The following SLC22A9 variants were observed in gnomAD, a reference collection of about 807,000 sequenced individuals.
The protein encoded by SLC22A9 is solute carrier family 22 member 9.
SLC22A9 carries 64 observed loss-of-function variants against 50.1 expected under a neutral mutation model. That is an observed-to-expected ratio of 1.28 (90% CI 1.04 to 1.57). SLC22A9 has a LOEUF of 1.57. Ranked by LOEUF, SLC22A9 falls within the 40% of genes most tolerant of loss-of-function variation. SLC22A9 has a pLI of 0.00. For synonymous variants in SLC22A9, 261 were observed against 242.5 expected, an observed-to-expected ratio of 1.08 and a Z score of -0.71; for missense variants, 757 against 676.1, an observed-to-expected ratio of 1.12 and a Z score of -1.33.
chr11:63,386,209 A>G (rs1461134660), intron 6 of SLC22A9, among the ~76,000 whole-genome samples: 1 of 152,012 alleles, frequency 6.6e-6, no homozygotes, highest in East Asian at 1.9e-4. Flanking sequence ...TTTGTTGAGT[A>G]TTTTTGCACC....
chr11:63,406,195 G>A (rs1324352864), intron 6 of SLC22A9, among the ~76,000 whole-genome samples: 2 of 152,046 alleles, frequency 1.3e-5, no homozygotes, highest in Admixed American at 6.6e-5. Context: ...AGATACCTTT[G>A]AAAAGTCTTC....
At chr11:63,372,928 G>A (rs537915851) in intron 2 of SLC22A9, among the ~76,000 whole-genome samples, 1 of 152,112 alleles carries the variant, frequency 6.6e-6, no homozygotes, top group African/African-American at 2.4e-5. Context: ...AGGTGGAATA[G>A]TTCAAATCAC....
At chr11:63,387,878 A>G (rs2014696473) in intron 6 of SLC22A9, among the ~76,000 whole-genome samples, 1 of 151,996 alleles carries the variant, frequency 6.6e-6, no homozygotes, top group Non-Finnish European at 1.5e-5. Flanking sequence ...TTATTAACTT[A>G]ATTTCTAGGT....
At chr11:63,373,502 A>G (rs575462126) in intron 2 of SLC22A9, 142 bp from the exon 3 acceptor site, 3 of 733,772 alleles carry the variant, frequency 4.1e-6, no homozygotes, top group Admixed American at 3.7e-5. Flanking sequence ...GAGATCTGCC[A>G]TTGATTACTG....
rs749682878 is a variant in SLC22A9, at chr11:63,409,771, T to TG, written c.1602-31_1602-30insG. ...AGTCCATGTCTTTTCATTTTTGTGA[T>TG]TTTTTGTTGGTTTCTTTGTATTTGT... is the stretch of plus-strand genomic sequence containing the variant. On this transcript the variant is annotated intron_variant, in intron 9 of 9. Transcript: ENST00000279178. 9 of 1,521,914 alleles carry TG rather than the reference T, an allele frequency of 5.9e-6. No homozygotes were observed. The African/African-American group carries it at 6.9e-5, about 12-fold the overall frequency. 94.3% of individuals were successfully genotyped at this position (1,521,914 alleles called of 1,614,324 possible).
In SLC22A9 at chr11:63,373,978, C is replaced by A. The variant is rs1356838010; in HGVS notation, c.746C>A (p.Ala249Glu). The change falls in exon 4 of 10, where the codon GCA becomes GAA. Residue 249 changes from alanine (A) to glutamate (E), a missense_variant. Ala to Glu is a moderately radical substitution (Grantham distance 107). Coordinates refer to ENST00000279178, the MANE Select transcript of SLC22A9 (RefSeq NM_080866.3). The stretch of plus-strand genomic sequence containing the variant: ...TCTGGTATTGCATTTATGACCCTGG[C>A]AGGCCTGGCTTTTGCCATTCGAGAC... ...CPSGIAFMTL[A>E]GLAFAIRDWH... 1.2e-6 allele frequency: 2 copies of A among 1,613,520 alleles called. No homozygotes were observed. Among genetic ancestry groups the A allele is most frequent in the Non-Finnish European group, 8.5e-7 (1 of 1,179,770 alleles).
chr11:63,382,364 A>C (rs957257909), intron 6 of SLC22A9, 87 bp downstream of exon 6: 7 of 926,674 alleles, frequency 7.6e-6, no homozygotes, highest in Non-Finnish European at 1.1e-5. Context: ...CATGTTTAGG[A>C]AACAGATTTG....
intron 6 of SLC22A9, among the ~76,000 whole-genome samples, chr11:63,387,602 T>C (rs1591019970): frequency 6.6e-6 from 1 of 152,238 alleles, no homozygotes; most frequent in East Asian, 1.9e-4. Flanking sequence ...TCCAGTTTTG[T>C]TCTTTTTACT....
chr11:63,376,982 A>G (rs1451690127), intron 5 of SLC22A9, among the ~76,000 whole-genome samples: 4 of 152,150 alleles, frequency 2.6e-5, no homozygotes, highest in African/African-American at 9.7e-5. Flanking sequence ...CCAGGGTTCA[A>G]TTCAATAAGA....
chr11:63,392,506 G>GT (rs966557165), intron 6 of SLC22A9, among the ~76,000 whole-genome samples: 92 of 150,956 alleles, frequency 6.1e-4, no homozygotes, highest in African/African-American at 2.0e-3. Context: ...GGGATAAAAG[G>GT]TTTTTTTTTC....
At position 63,410,110 on chromosome 11, in the gene SLC22A9, C is replaced by T; in HGVS notation, c.*248C>T. ...TACAAAACTTCGCTGGGCACAGTGG[C>T]ACAGGCCTTTAATTCCAGCTACTTG... On this transcript the variant is annotated 3_prime_UTR_variant, in exon 10 of 10. Transcript: ENST00000279178. 2 of 303,488 alleles carry T rather than the reference C, an allele frequency of 6.6e-6. No individual in the cohort carries two copies. Among genetic ancestry groups the T allele is most frequent in the Non-Finnish European group, 1.2e-5 (2 of 161,140 alleles). The allele number at this position is 303,488 out of a possible 1,614,324, so 18.8% of individuals were successfully genotyped here. A position where few individuals can be genotyped will look rare whatever the true frequency, so the allele number is the denominator to read the frequency against.
At chr11:63,385,056 T>C (rs1030507507) in intron 6 of SLC22A9, among the ~76,000 whole-genome samples, 1 of 82,308 alleles carries the variant, frequency 1.2e-5, no homozygotes, top group Non-Finnish European at 2.7e-5. Context: ...ATGGATAGGA[T>C]GCAAAAATTT....
intron 6 of SLC22A9, among the ~76,000 whole-genome samples, chr11:63,385,084 G>A (rs1337505429): frequency 7.4e-6 from 1 of 134,850 alleles, no homozygotes; most frequent in African/African-American, 2.8e-5. Context: ...TCTGTAGCTT[G>A]CCTGTTCACT....
At chr11:63,373,134 TC>T (rs1565180901) in intron 2 of SLC22A9, among the ~76,000 whole-genome samples, 1 of 93,890 alleles carries the variant, frequency 1.1e-5, no homozygotes. Context: ...TTTTTTTTTT[TC>T]TTTTTTTTTT....
At chr11:63,384,239 C>A (rs753616892) in intron 6 of SLC22A9, among the ~76,000 whole-genome samples, 1 of 152,076 alleles carries the variant, frequency 6.6e-6, no homozygotes, top group Non-Finnish European at 1.5e-5. Context: ...CAACTCATCA[C>A]CTAGGTATTA....
chr11:63,374,105 T>C lies in SLC22A9; in HGVS notation c.830+43T>C, dbSNP rs1227856558. 6 of 1,540,930 alleles carry C rather than the reference T, an allele frequency of 3.9e-6. No homozygotes were observed. The South Asian group carries it at 7.5e-5, about 19-fold the overall frequency. ...CTTTTGTCTTAATGAGATATTGGAA[T>C]GAGAATGTATGTGGAACTAGGACAC... On this transcript the variant is annotated intron_variant, in intron 4 of 9. Transcript: ENST00000279178.
chr11:63,380,924 A>T (rs191913394), intron 5 of SLC22A9, among the ~76,000 whole-genome samples: 1 of 152,298 alleles, frequency 6.6e-6, no homozygotes. Flanking sequence ...GCATTATTAA[A>T]CTAAATGGCA....
chr11:63,385,851 A>G (rs1445000378), intron 6 of SLC22A9, among the ~76,000 whole-genome samples: 1 of 152,130 alleles, frequency 6.6e-6, no homozygotes, highest in African/African-American at 2.4e-5. Flanking sequence ...ATGGTGAAAG[A>G]GGGCATCTTT....
At chr11:63,391,673 C>G (rs1182374507) in intron 6 of SLC22A9, among the ~76,000 whole-genome samples, 1 of 151,846 alleles carries the variant, frequency 6.6e-6, no homozygotes, top group Non-Finnish European at 1.5e-5. Flanking sequence ...ATTTCCATCC[C>G]TTTATTTTCA....
Sources: gnomAD v4.1 joint callset for allele counts (sites outside exome capture counted in the v4.1 genomes callset) on GRCh38, gnomAD v4.1.1 for gene constraint, MANE v1.5 for transcripts, NCBI Gene and HGNC (gene_info 2026-07-23, HGNC 2026-07-21) for gene names.